Variants in PXDNL observed in about 807,000 individuals in gnomAD.
PXDNL encodes the protein peroxidasin like, also known as probable oxidoreductase PXDNL.
A neutral mutation model predicts 150.8 loss-of-function variants in PXDNL; 145 were observed. That is an observed-to-expected ratio of 0.96 (90% CI 0.84 to 1.10). The LOEUF (loss-of-function observed/expected upper bound fraction) is 1.10. PXDNL is among the 50% of genes least tolerant of loss of function. The pLI, the probability that PXDNL is intolerant of heterozygous loss-of-function variation, is 0.00. For synonymous variants in PXDNL, 757 were observed against 725.7 expected (o/e 1.04, Z -0.69); for missense variants, 2,087 against 1,873.9 (o/e 1.11, Z -2.10).
intron 5 of PXDNL, among the ~76,000 whole-genome samples, chr8:51,493,692 T>C (rs1364317098): frequency 2.0e-5 from 3 of 152,028 alleles, no homozygotes; most frequent in African/African-American, 7.2e-5. Context: ...TGATGGAAGA[T>C]CAAATGAATG....
chr8:51,678,746 T>C (rs536002540), intron 1 of PXDNL, among the ~76,000 whole-genome samples: 110 of 152,162 alleles, frequency 7.2e-4, no homozygotes, highest in African/African-American at 2.4e-3. Flanking sequence ...AGGGATAGCA[T>C]TGGGATATAT....
At chr8:51,353,573 T>C (rs1563370501) in intron 19 of PXDNL, among the ~76,000 whole-genome samples, 1 of 152,148 alleles carries the variant, frequency 6.6e-6, no homozygotes. Context: ...AGTTGCACTG[T>C]GGTAAAAGAT....
chr8:51,432,910 T>G (rs557750413), intron 12 of PXDNL, among the ~76,000 whole-genome samples: 1 of 152,084 alleles, frequency 6.6e-6, no homozygotes, highest in Non-Finnish European at 1.5e-5. Flanking sequence ...CTTCCTAATT[T>G]TAAAAGGAAT....
At chr8:51,610,037 A>AT (rs1379773631) in intron 2 of PXDNL, among the ~76,000 whole-genome samples, 4 of 151,584 alleles carry the variant, frequency 2.6e-5, no homozygotes, top group African/African-American at 7.3e-5. Context: ...TAATCTTTCC[A>AT]TTTTTTTTCA....
chr8:51,522,549 A>AT (rs1811683427), intron 4 of PXDNL, among the ~76,000 whole-genome samples: 2 of 152,340 alleles, frequency 1.3e-5, no homozygotes, highest in South Asian at 4.1e-4. Flanking sequence ...AATTGGCCTT[A>AT]TAAGAGAATG....
chr8:51,402,329 C>G (rs540545982), intron 17 of PXDNL, among the ~76,000 whole-genome samples: 2 of 152,046 alleles, frequency 1.3e-5, no homozygotes, highest in Non-Finnish European at 2.9e-5. Context: ...AGTTTGAGAC[C>G]GGCCTGGCTA....
intron 17 of PXDNL, among the ~76,000 whole-genome samples, chr8:51,375,241 A>G (rs1245826212): frequency 1.3e-5 from 2 of 152,380 alleles, no homozygotes; most frequent in African/African-American, 4.8e-5. Flanking sequence ...TAAAAAGGCA[A>G]TAAGTATTTG....
intron 4 of PXDNL, among the ~76,000 whole-genome samples, chr8:51,537,685 C>T (rs1009872686): frequency 6.6e-6 from 1 of 152,198 alleles, no homozygotes; most frequent in African/African-American, 2.4e-5. Context: ...CAGAGAACTT[C>T]TCTGTTTTTA....
At chr8:51,471,016 A>G (rs905804000) in intron 8 of PXDNL, among the ~76,000 whole-genome samples, 1 of 144,028 alleles carries the variant, frequency 6.9e-6, no homozygotes, top group Non-Finnish European at 1.5e-5. Flanking sequence ...GCTTCTGCAC[A>G]GCAAAAAAAA....
At chr8:51,709,394 A>G (rs1288967348) in intron 1 of PXDNL, among the ~76,000 whole-genome samples, 1 of 151,944 alleles carries the variant, frequency 6.6e-6, no homozygotes, top group East Asian at 1.9e-4. Flanking sequence ...AGCTGGGACT[A>G]CAGGTGCCGG....
At chr8:51,443,886 T>A (rs1220024315) in intron 12 of PXDNL, among the ~76,000 whole-genome samples, 3 of 151,990 alleles carry the variant, frequency 2.0e-5, no homozygotes, top group African/African-American at 7.3e-5. Flanking sequence ...TGGTAGCTTC[T>A]TTTTTTTATT....
intron 1 of PXDNL, among the ~76,000 whole-genome samples, chr8:51,671,317 G>T (rs1260041517): frequency 6.6e-6 from 1 of 152,146 alleles, no homozygotes; most frequent in Non-Finnish European, 1.5e-5. Flanking sequence ...GTTGTGCATG[G>T]TACTTGAAAT....
chr8:51,375,604 A>G (rs549945922), intron 17 of PXDNL, among the ~76,000 whole-genome samples: 15 of 152,298 alleles, frequency 9.8e-5, no homozygotes, highest in African/African-American at 3.6e-4. Flanking sequence ...GGTTGCATAT[A>G]TTTGTACTTT....
intron 8 of PXDNL, among the ~76,000 whole-genome samples, chr8:51,458,630 G>A (rs1358174236): frequency 6.6e-6 from 1 of 152,130 alleles, no homozygotes; most frequent in African/African-American, 2.4e-5. Flanking sequence ...AGTGCATTAG[G>A]AGAATTCCAT....
chr8:51,423,513 T>C, intron 14 of PXDNL, 62 bp downstream of exon 14: 2 of 1,406,680 alleles, frequency 1.4e-6, no homozygotes, highest in African/African-American at 1.4e-5. Flanking sequence ...CAAATAGGAT[T>C]GGGGTAGAAG....
chr8:51,786,043 C>T (rs1181122789), intron 1 of PXDNL, among the ~76,000 whole-genome samples: 4 of 152,042 alleles, frequency 2.6e-5, no homozygotes, highest in Non-Finnish European at 5.9e-5. Context: ...GAAGACTCCA[C>T]CAACCATCCC....
intron 8 of PXDNL, among the ~76,000 whole-genome samples, chr8:51,460,036 C>G (rs2130015685): frequency 6.6e-6 from 1 of 151,794 alleles, no homozygotes; most frequent in Middle Eastern, 3.4e-3. Flanking sequence ...TTGCTTGAGG[C>G]CAGGAGCTTG....
intron 3 of PXDNL, among the ~76,000 whole-genome samples, chr8:51,580,185 A>G (rs1318776369): frequency 6.6e-6 from 1 of 152,074 alleles, no homozygotes; most frequent in East Asian, 1.9e-4. Context: ...ATGCAGCTAT[A>G]AAAGAGCAAC....
chr8:51,443,750 T>C (rs546113814), intron 12 of PXDNL, among the ~76,000 whole-genome samples: 3 of 152,208 alleles, frequency 2.0e-5, no homozygotes, highest in Non-Finnish European at 4.4e-5. Flanking sequence ...CAATTAGTTG[T>C]TTTGGTTGAA....
Sources: allele counts gnomAD v4.1 joint callset (sites outside exome capture counted in the v4.1 genomes callset), GRCh38; gene constraint gnomAD v4.1.1; transcripts MANE v1.5; gene names NCBI Gene and HGNC (gene_info 2026-07-23, HGNC 2026-07-21).